The following ABHD12 variants were observed in gnomAD, a reference collection of about 807,000 sequenced individuals.
ABHD12 encodes the protein lysophosphatidylserine lipase ABHD12.
ABHD12 carries 43 observed loss-of-function variants against 58.3 expected under a neutral mutation model. That is an observed-to-expected ratio of 0.74 (90% CI 0.58 to 0.95). ABHD12 has a LOEUF of 0.95. Ranked by LOEUF, ABHD12 falls within the 40% of genes least tolerant of loss-of-function variation. The probability of loss-of-function intolerance (pLI) is 0.00; values close to 1 mark genes in which losing one functional copy is unlikely to be tolerated. For synonymous variants in ABHD12, 219 were observed against 211.2 expected (o/e 1.04, Z -0.32); for missense variants, 539 against 537.2 (o/e 1.00, Z -0.03).
downstream of ABHD12, among the ~76,000 whole-genome samples, chr20:25,298,896 A>G (rs1457424879): frequency 6.6e-6 from 1 of 152,154 alleles, no homozygotes; most frequent in African/African-American, 2.4e-5. Flanking sequence ...CCCACCATGC[A>G]TCTGGGCGGG....
In ABHD12 at chr20:25,302,254, G is replaced by T. The variant is rs757643586; in HGVS notation, c.1122C>A (p.Tyr374Ter). 10 of 1,613,634 alleles carry T rather than the reference G, an allele frequency of 6.2e-6. No homozygotes were observed. The highest frequency in any genetic ancestry group is 8.5e-6 in the Non-Finnish European group (10 of 1,180,002). Residue 374 changes from tyrosine (Y) to a stop codon, truncating the protein, a stop_gained, in exon 12 of 13, where the codon TAC becomes TAA. Transcript: ENST00000339157. LOFTEE classifies it high-confidence loss of function. ...GTGGCAGCTCAGGGCTCTTGTAAAT[G>T]TATTTGTGCCTGTAGCCAAGGTCTG... ...FHSDLGYRHK[Y>*]IYKSPELPRI...
chr20:25,378,697 CTTT>C (rs10617181), intron 1 of ABHD12, among the ~76,000 whole-genome samples: 358 of 139,610 alleles, frequency 2.6e-3, no homozygotes, highest in Middle Eastern at 3.8e-3. Flanking sequence ...ATAATTTGAA[CTTT>C]TTTTTTTTTT....
chr20:25,336,337 A>G (rs1335950277), intron 2 of ABHD12, among the ~76,000 whole-genome samples: 1 of 151,970 alleles, frequency 6.6e-6, no homozygotes, highest in African/African-American at 2.4e-5. Context: ...CTTTGTTTTT[A>G]GAATAATCAT....
intron 1 of ABHD12, among the ~76,000 whole-genome samples, chr20:25,370,778 A>G (rs886819648): frequency 6.6e-5 from 10 of 152,144 alleles, no homozygotes; most frequent in Admixed American, 2.0e-4. Flanking sequence ...TAAAGCGCTT[A>G]AGGAAACGGT....
chr20:25,324,318 G>C (rs1240329635), intron 2 of ABHD12, among the ~76,000 whole-genome samples: 1 of 152,220 alleles, frequency 6.6e-6, no homozygotes, highest in East Asian at 1.9e-4. Flanking sequence ...ACAGAAGCCA[G>C]GCTGCTCACA....
chr20:25,387,686 G>A (rs916456796), intron 1 of ABHD12, among the ~76,000 whole-genome samples: 1 of 151,726 alleles, frequency 6.6e-6, no homozygotes, highest in African/African-American at 2.4e-5. Flanking sequence ...GCTGCAGTGG[G>A]CCATGATCAT....
chr20:25,324,210 G>A (rs775936183), intron 2 of ABHD12, among the ~76,000 whole-genome samples: 5 of 152,170 alleles, frequency 3.3e-5, no homozygotes, highest in Non-Finnish European at 7.3e-5. Context: ...GAGGAGCAAG[G>A]TGACTGTGGG....
At chr20:25,390,449 G>A in intron 1 of ABHD12, 64 bp downstream of exon 1, 4 of 1,359,594 alleles carry the variant, frequency 2.9e-6, no homozygotes, top group Non-Finnish European at 2.8e-6. Context: ...GCCCCCTGCG[G>A]GACGCACCTG....
intron 9 of ABHD12, among the ~76,000 whole-genome samples, chr20:25,307,260 T>G (rs919262283): frequency 2.0e-5 from 3 of 152,214 alleles, no homozygotes; most frequent in East Asian, 1.9e-4. Context: ...CCGCCACCCC[T>G]GAGAAAGTGG....
rs575125702 is a variant in ABHD12, at chr20:25,372,525, C to T, written c.191+17988G>A. Among the ~76,000 whole-genome samples the T allele has an allele frequency of 3.3e-5, 5 of 152,252 alleles. No homozygotes were observed. The South Asian group carries it at 1.0e-3, about 32-fold the overall frequency. Reference sequence around the variant, plus strand: ...TGGCCCTCTTTCAGCTTTTTTATATCTGAAAACTTCACTATTTTGCCTTTG... The same window carrying T: ...TGGCCCTCTTTCAGCTTTTTTATATTTGAAAACTTCACTATTTTGCCTTTG... On this transcript the variant is annotated intron_variant, in intron 1 of 12. Transcript: ENST00000339157.
intron 12 of ABHD12, 105 bp from the exon 13 acceptor site, chr20:25,300,989 G>T: frequency 8.0e-7 from 1 of 1,253,134 alleles, no homozygotes; most frequent in Non-Finnish European, 1.1e-6. Context: ...GTGCAGAGAG[G>T]AGGCAGCCAA....
intron 1 of ABHD12, among the ~76,000 whole-genome samples, chr20:25,371,589 T>C (rs1189413416): frequency 6.6e-6 from 1 of 152,204 alleles, no homozygotes; most frequent in Non-Finnish European, 1.5e-5. Context: ...ACTGACCTAA[T>C]ATTGCCGGGT....
chr20:25,339,495 C>T, intron 1 of ABHD12, 144 bp from the exon 2 acceptor site: 1 of 1,408,456 alleles, frequency 7.1e-7, no homozygotes, highest in Non-Finnish European at 9.9e-7. Context: ...AAAGTAGCCT[C>T]CCACCTGCCT....
chr20:25,312,209 C>T (rs1407523090), intron 6 of ABHD12, among the ~76,000 whole-genome samples: 4 of 152,144 alleles, frequency 2.6e-5, no homozygotes, highest in Non-Finnish European at 4.4e-5. Flanking sequence ...TCTCTTTCCA[C>T]GGTCTCTCTC....
chr20:25,374,856 G>A (rs1458513157), intron 1 of ABHD12, among the ~76,000 whole-genome samples: 1 of 152,144 alleles, frequency 6.6e-6, no homozygotes, highest in Non-Finnish European at 1.5e-5. Flanking sequence ...TACTCAGTCG[G>A]TTTTCATTGA....
chr20:25,365,354 G>C (rs1049982050), intron 1 of ABHD12, among the ~76,000 whole-genome samples: 1 of 152,054 alleles, frequency 6.6e-6, no homozygotes, highest in African/African-American at 2.4e-5. Context: ...TCATAAAAAG[G>C]TAGTATTGTA....
intron 1 of ABHD12, among the ~76,000 whole-genome samples, chr20:25,385,221 C>T (rs2090072609): frequency 6.6e-6 from 1 of 151,416 alleles, no homozygotes; most frequent in Admixed American, 6.6e-5. Context: ...CCTGTAATCC[C>T]AGCTACTCGG....
At chr20:25,337,114 T>C (rs1479981501) in intron 2 of ABHD12, among the ~76,000 whole-genome samples, 1 of 152,012 alleles carries the variant, frequency 6.6e-6, no homozygotes, top group Non-Finnish European at 1.5e-5. Context: ...ATATAAAAAA[T>C]TAGCCAGACG....
At chr20:25,327,736 T>C (rs1158971579) in intron 2 of ABHD12, among the ~76,000 whole-genome samples, 1 of 152,144 alleles carries the variant, frequency 6.6e-6, no homozygotes, top group African/African-American at 2.4e-5. Flanking sequence ...GATTGGAAAT[T>C]GTTGTGGTTT....
Sources: gnomAD v4.1 joint callset for allele counts (sites outside exome capture counted in the v4.1 genomes callset) on GRCh38, gnomAD v4.1.1 for gene constraint, MANE v1.5 for transcripts, NCBI Gene and HGNC (gene_info 2026-07-23, HGNC 2026-07-21) for gene names.